The following DYSF variants were observed in gnomAD, a reference collection of about 807,000 sequenced individuals.
DYSF encodes the protein dysferlin, also known as dystrophy-associated fer-1-like 1.
In DYSF, 212 loss-of-function variants were observed where a neutral mutation model predicts 274.9. The ratio of observed to expected loss-of-function variants is 0.77; its 90% CI spans 0.69 to 0.86. The LOEUF (loss-of-function observed/expected upper bound fraction) is 0.86, where lower values mean the gene tolerates loss of function less well. Among genes scored for constraint, DYSF ranks in the 40% least tolerant of loss-of-function variants. DYSF has a pLI of 0.00. For synonymous variants in DYSF, 1,091 were observed against 1,078.7 expected (o/e 1.01, Z -0.22); for missense variants, 2,666 against 2,783.2 (o/e 0.96, Z 0.95).
intron 3 of DYSF, among the ~76,000 whole-genome samples, chr2:71,501,853 T>C (rs565327461): frequency 6.6e-6 from 1 of 152,348 alleles, no homozygotes; most frequent in South Asian, 2.1e-4. Flanking sequence ...AATACTGCTG[T>C]GAACACAGGT....
intron 30 of DYSF, among the ~76,000 whole-genome samples, chr2:71,587,889 G>A (rs2093125396): frequency 6.6e-6 from 1 of 152,178 alleles, no homozygotes; most frequent in African/African-American, 2.4e-5. Flanking sequence ...GAGTCCCCTG[G>A]GAGAATAGAG....
In DYSF at chr2:71,593,164, C is replaced by T. The variant is rs888812051; in HGVS notation, c.3574+2876C>T. Among the ~76,000 whole-genome samples the T allele has an allele frequency of 3.0e-4, 38 of 128,548 alleles. 1 individual carries two copies. The highest frequency in any genetic ancestry group is 1.3e-3 in the Admixed American group (15 of 11,336). 84.3% of individuals were successfully genotyped at this position (128,548 alleles called of 152,430 possible). On this transcript the variant is annotated intron_variant, in intron 32 of 55. Transcript: ENST00000410020. ...TTTTTTTTTTTGAGACAGAGTTTCG[C>T]TCTTGTTGCCTAGGCTGGAGTGCAA...
intron 3 of DYSF, among the ~76,000 whole-genome samples, chr2:71,501,050 T>G (rs1312948732): frequency 6.6e-6 from 1 of 152,156 alleles, no homozygotes; most frequent in Non-Finnish European, 1.5e-5. Context: ...GGGTGCCTTC[T>G]GGCACCAGCC....
Position 71,503,230 on chromosome 2 carries a change from A to G in DYSF, c.256A>G (p.Lys86Glu), listed in dbSNP as rs1559021271. The G allele has an allele frequency of 1.2e-6, 2 of 1,614,010 alleles. No individual in the cohort carries two copies. The highest frequency in any genetic ancestry group is 1.7e-5 in the Admixed American group (1 of 60,018). Residue 86 changes from lysine (K) to glutamate (E), a missense_variant, in exon 4 of 56, where the codon AAG becomes GAG. Physicochemically the swap from Lys to Glu is moderately conservative, Grantham distance 56. Transcript: ENST00000410020. ...MGRNRFLGEA[K>E]VPLREVLATP... is the part of the protein sequence containing the mutation. ...TCCTCTCAGGTTCCTGGGGGAAGCCAAGGTCCCACTCCGAGAGGTCCTCGC... is the reference window on the plus strand; with the variant it reads ...TCCTCTCAGGTTCCTGGGGGAAGCCGAGGTCCCACTCCGAGAGGTCCTCGC...
chr2:71,587,934 C>G (rs1292293065), intron 30 of DYSF, among the ~76,000 whole-genome samples: 2 of 152,162 alleles, frequency 1.3e-5, no homozygotes, highest in African/African-American at 2.4e-5. Flanking sequence ...GTTTTGCAGG[C>G]CCTTTGCAGC....
Position 71,519,092 on chromosome 2 carries a change from CAAAAAAAAAAAAA to C in DYSF, c.1003-1068_1003-1056del, listed in dbSNP as rs70959240. 8.4e-5 allele frequency among the ~76,000 whole-genome samples: 5 copies of C among 59,726 alleles called. No individual in the cohort carries two copies. In the East Asian group the frequency reaches 3.7e-3, roughly 44 times the overall value. 39.2% of individuals were successfully genotyped at this position (59,726 alleles called of 152,430 possible). ...TGGATGACAGAGCGACACTCCATCT[CAAAAAAAAAAAAA>C]AAAAAAAAAAAAAAAAATTACTGGG... On this transcript the variant is annotated intron_variant, in intron 10 of 55. Coordinates refer to ENST00000410020, the MANE Select transcript of DYSF (RefSeq NM_001130987.2).
intron 13 of DYSF, among the ~76,000 whole-genome samples, chr2:71,527,692 C>T (rs988608418): frequency 6.6e-6 from 1 of 152,178 alleles, no homozygotes; most frequent in Non-Finnish European, 1.5e-5. Flanking sequence ...TCTTTATCCC[C>T]CTCCACTTAC....
chr2:71,527,124 C>G (rs1287078911), intron 13 of DYSF, among the ~76,000 whole-genome samples: 1 of 152,184 alleles, frequency 6.6e-6, no homozygotes, highest in Non-Finnish European at 1.5e-5. Context: ...TGCCGGGGCC[C>G]CACCTCCAGC....
At chr2:71,543,615 C>T (rs1290756630) in intron 17 of DYSF, among the ~76,000 whole-genome samples, 2 of 152,226 alleles carry the variant, frequency 1.3e-5, no homozygotes, top group Non-Finnish European at 2.9e-5. Flanking sequence ...ATCCCAGCAC[C>T]TCAGGAGGCG....
chr2:71,552,170 A>G (rs1283923520), intron 19 of DYSF, among the ~76,000 whole-genome samples: 3 of 152,152 alleles, frequency 2.0e-5, no homozygotes, highest in Non-Finnish European at 2.9e-5. Context: ...TATCAGAGGA[A>G]CAAATGGTAG....
At chr2:71,561,412 G>A (rs548269544) in intron 22 of DYSF, among the ~76,000 whole-genome samples, 1 of 152,274 alleles carries the variant, frequency 6.6e-6, no homozygotes. Flanking sequence ...TGGGCCCTCC[G>A]AGAGCCTGTA....
At chr2:71,473,917 GAT>G (rs2082213971) in intron 1 of DYSF, among the ~76,000 whole-genome samples, 1 of 107,228 alleles carries the variant, frequency 9.3e-6, no homozygotes. Context: ...CTTTCTGTAT[GAT>G]TTTTTTTTTT....
chr2:71,650,731 A>G (rs538671640), intron 42 of DYSF, among the ~76,000 whole-genome samples: 1 of 152,290 alleles, frequency 6.6e-6, no homozygotes, highest in East Asian at 1.9e-4. Flanking sequence ...AAAAGCCCAA[A>G]AGGCCTCTTC....
intron 17 of DYSF, chr2:71,549,482 A>G (rs1433181451): frequency 7.6e-7 from 1 of 1,314,846 alleles, no homozygotes; most frequent in Non-Finnish European, 1.1e-6. Context: ...GGGGTTTTTG[A>G]TTTGCCTGAG....
At position 71,667,626 on chromosome 2, in the gene DYSF, T is replaced by A. The variant is rs1187597785; in HGVS notation, c.5457+111T>A. The stretch of plus-strand genomic sequence containing the variant: ...AGTGGGTCCCTTGAGATTTGGTCAA[T>A]CCTTCCTTGACCCATTTCTTCACAG... On this transcript the variant is annotated intron_variant, in intron 48 of 55. Coordinates refer to ENST00000410020, the MANE Select transcript of DYSF (RefSeq NM_001130987.2). 3.3e-6 allele frequency: 5 copies of A among 1,496,138 alleles called. No homozygotes were observed. The East Asian group carries it at 1.2e-4, about 36-fold the overall frequency. 92.7% of individuals were successfully genotyped at this position (1,496,138 alleles called of 1,614,324 possible). A position where few individuals can be genotyped will look rare whatever the true frequency, so the allele number is the denominator to read the frequency against.
intron 17 of DYSF, among the ~76,000 whole-genome samples, chr2:71,540,636 T>A (rs188818151): frequency 1.6e-3 from 241 of 151,300 alleles, no homozygotes; most frequent in African/African-American, 5.6e-3. Context: ...AGTTGACCGA[T>A]TTCAATTTGA....
At chr2:71,492,579 G>T (rs2083954379) in intron 3 of DYSF, among the ~76,000 whole-genome samples, 1 of 151,976 alleles carries the variant, frequency 6.6e-6, no homozygotes, top group Non-Finnish European at 1.5e-5. Context: ...CAAATTTAAA[G>T]TTGTAAAAAT....
At chr2:71,558,418 C>G (rs955201604) in intron 22 of DYSF, among the ~76,000 whole-genome samples, 1 of 152,198 alleles carries the variant, frequency 6.6e-6, no homozygotes. Context: ...GTGGTGGCTA[C>G]AGCCACTGGG....
chr2:71,564,384 C>T (rs960777387), intron 24 of DYSF, among the ~76,000 whole-genome samples, 171 bp downstream of exon 24: 1 of 152,228 alleles, frequency 6.6e-6, no homozygotes, highest in African/African-American at 2.4e-5. Context: ...CGGTTACCCC[C>T]GAAGTCCCCA....
Sources: allele counts gnomAD v4.1 joint callset (sites outside exome capture counted in the v4.1 genomes callset), GRCh38; gene constraint gnomAD v4.1.1; transcripts MANE v1.5; gene names NCBI Gene and HGNC (gene_info 2026-07-23, HGNC 2026-07-21).